The following PNPO variants were observed in gnomAD, a reference collection of about 807,000 sequenced individuals.
PNPO encodes the protein pyridoxamine 5'-phosphate oxidase, also known as pyridoxine-5'-phosphate oxidase.
PNPO carries 39 observed loss-of-function variants against 35.0 expected under a neutral mutation model. The ratio of observed to expected loss-of-function variants is 1.11; its 90% CI spans 0.86 to 1.45. The LOEUF (loss-of-function observed/expected upper bound fraction) is 1.45, where lower values mean the gene tolerates loss of function less well. Among genes scored for constraint, PNPO ranks in the 40% most tolerant of loss-of-function variants. The pLI, the probability that PNPO is intolerant of heterozygous loss-of-function variation, is 0.00. For missense variants in PNPO, 288 were observed against 340.0 expected (o/e 0.85, Z 1.20); for synonymous variants, 115 against 119.8 (o/e 0.96, Z 0.26).
At position 47,948,659 on chromosome 17, in the gene PNPO, C is replaced by T. The variant is rs1342219426; in HGVS notation, c.*1877C>T. On this transcript the variant is annotated 3_prime_UTR_variant, in exon 7 of 7. Transcript: ENST00000642017. ...TCTGACCCTGCATTTTCACTAGACC[C>T]CAGGTGATCAGCTGCACTAGACTCA... The T allele has an allele frequency of 6.6e-6, 1 of 152,262 alleles. No individual in the cohort carries two copies. The highest frequency in any genetic ancestry group is 1.5e-5 in the Non-Finnish European group (1 of 68,096). 9.4% of individuals were successfully genotyped at this position (152,262 alleles called of 1,614,324 possible).
rs1422767705 is a variant in PNPO at position 47,948,454 on chromosome 17, C to G, written c.*1672C>G. Reference sequence around the variant, plus strand: ...TGGCCAGCATGGCAAAACCCTGTCTCTACTATGATATGAATGCAGCCTGGG... The same window carrying G: ...TGGCCAGCATGGCAAAACCCTGTCTGTACTATGATATGAATGCAGCCTGGG... On this transcript the variant is annotated 3_prime_UTR_variant, in exon 7 of 7. Coordinates refer to ENST00000642017, the MANE Select transcript of PNPO (RefSeq NM_018129.4). The G allele has an allele frequency of 2.0e-5, 3 of 152,160 alleles. No individual in the cohort carries two copies. The highest frequency in any genetic ancestry group is 4.4e-5 in the Non-Finnish European group (3 of 68,042). The allele number at this position is 152,160 out of a possible 1,614,324, so 9.4% of individuals were successfully genotyped here.
At chr17:47,946,263 T>C in intron 5 of PNPO, 60 bp from the exon 6 acceptor site, 1 of 1,315,760 alleles carries the variant, frequency 7.6e-7, no homozygotes, top group Non-Finnish European at 1.1e-6. Flanking sequence ...CCCCAGGAAG[T>C]CCTTGTTAAT....
chr17:47,946,061 G>C, intron 5 of PNPO, 72 bp downstream of exon 5: 1 of 1,552,204 alleles, frequency 6.4e-7, no homozygotes, highest in Non-Finnish European at 8.8e-7. Context: ...GTCCCCAGGA[G>C]ATGCCAGGAG....
intron 3 of PNPO, 64 bp downstream of exon 3, chr17:47,944,779 C>T: frequency 7.6e-7 from 1 of 1,313,034 alleles, no homozygotes; most frequent in Non-Finnish European, 1.1e-6. Flanking sequence ...CTTCCTCAGT[C>T]ACCTTCTTAT....
chr17:47,946,464 G>C, intron 6 of PNPO, 71 bp downstream of exon 6: 1 of 1,398,006 alleles, frequency 7.2e-7, no homozygotes, highest in Non-Finnish European at 1.0e-6. Flanking sequence ...CACCTGCCTG[G>C]GGAATCACAG....
intron 1 of PNPO, chr17:47,942,023 T>C: frequency 7.5e-7 from 1 of 1,335,236 alleles, no homozygotes; most frequent in Non-Finnish European, 9.6e-7. Flanking sequence ...CAAATGAAGA[T>C]GGGTTCAAAA....
At chr17:47,944,200 C>CATGTGTGT (rs144711217) in intron 2 of PNPO, among the ~76,000 whole-genome samples, 1 of 142,152 alleles carries the variant, frequency 7.0e-6, no homozygotes, top group Non-Finnish European at 1.5e-5. Flanking sequence ...CACTGCCTTT[C>CATGTGTGT]GTGTGTGTGT....
rs1290522662 is a variant in PNPO, at chr17:47,948,740, G to A, written c.*1958G>A. The A allele has an allele frequency of 1.3e-5, 2 of 152,258 alleles. No individual in the cohort carries two copies. Among genetic ancestry groups the A allele is most frequent in the Non-Finnish European group, 2.9e-5 (2 of 68,078 alleles). 9.4% of individuals were successfully genotyped at this position (152,258 alleles called of 1,614,324 possible). ...GTCTATGATCCTTTAGTGACCCTCA[G>A]CTGAGTCCTGTGCTGAACTGTGTTT... is the stretch of plus-strand genomic sequence containing the variant. On this transcript the variant is annotated 3_prime_UTR_variant, in exon 7 of 7. Coordinates refer to ENST00000642017, the MANE Select transcript of PNPO (RefSeq NM_018129.4).
chr17:47,941,737 A>G lies in PNPO; in HGVS notation c.62A>G (p.Tyr21Cys), dbSNP rs766650337. ...TFGRPAEWPG[Y>C]LSHLCGRSAA... ...GGGCGACCTGCCGAGTGGCCAGGCT[A>G]CCTCAGTCACCTGTGTGGTCGCAGT... Residue 21 changes from tyrosine to cysteine, a missense_variant, in exon 1 of 7, where the codon TAC becomes TGC. By Grantham distance (194) the Tyr-to-Cys change is radical. Coordinates refer to ENST00000642017, the MANE Select transcript of PNPO (RefSeq NM_018129.4). The G allele has an allele frequency of 1.3e-6, 2 of 1,553,378 alleles. No individual in the cohort carries two copies. Among genetic ancestry groups the G allele is most frequent in the South Asian group, 2.4e-5 (2 of 84,334 alleles).
Position 47,945,934 on chromosome 17 carries a change from G to T in PNPO, c.491G>T (p.Ser164Ile), listed in dbSNP as rs769609928. The T allele has an allele frequency of 1.2e-6, 2 of 1,614,010 alleles. No homozygotes were observed. Among genetic ancestry groups the T allele is most frequent in the Non-Finnish European group, 1.7e-6 (2 of 1,180,004 alleles). The change falls in exon 5 of 7, where the codon AGC becomes ATC. Residue 164 changes from serine to isoleucine, a missense_variant. Coordinates refer to ENST00000642017, the MANE Select transcript of PNPO (RefSeq NM_018129.4). The surrounding 1 kb of genome is among the most constrained non-coding windows in gnomAD (Gnocchi z 4.0). ...TGCTACTTCCACTCCCGCCCCAAGA[G>T]CAGCCAGATTGGGGCTGTGGTCAGC... Reference protein sequence around the residue: ...AECYFHSRPKSSQIGAVVSHQ... With the variant: ...AECYFHSRPKISQIGAVVSHQ...
Position 47,946,892 on chromosome 17 carries a change from C to T in PNPO, c.*110C>T. 1.0e-6 allele frequency: 1 copy of T among 989,724 alleles called. No homozygotes were observed. The highest frequency in any genetic ancestry group is 1.6e-6 in the Non-Finnish European group (1 of 639,768). The allele number at this position is 989,724 out of a possible 1,614,324, so 61.3% of individuals were successfully genotyped here. On this transcript the variant is annotated 3_prime_UTR_variant, in exon 7 of 7. Transcript: ENST00000642017. ...ACTCAACCCATTTCCCTCCCTACCC[C>T]TTATCTTCAGGACTCTTCAGAGCTA...
intron 2 of PNPO, 103 bp from the exon 3 acceptor site, chr17:47,944,513 G>C (rs1039091757): frequency 4.2e-5 from 38 of 899,026 alleles, no homozygotes; most frequent in East Asian, 9.6e-5. Flanking sequence ...CCCAATAAAG[G>C]GGGTGCAGCT....
rs751761390 is a variant in PNPO at position 47,946,290 on chromosome 17, C to T, written c.547-33C>T. 9 of 1,490,244 alleles carry T rather than the reference C, an allele frequency of 6.0e-6. No homozygotes were observed. The Admixed American group carries it at 1.5e-4, about 25-fold the overall frequency. 92.3% of individuals were successfully genotyped at this position (1,490,244 alleles called of 1,614,324 possible). ...CTTGTTAATGAATCATTGACTGGGC[C>T]TGGCCCTTCTTCTAACTCTTCCCCC... On this transcript the variant is annotated intron_variant, in intron 5 of 6. Transcript: ENST00000642017.
rs1385820116 is a variant in PNPO at position 47,945,850 on chromosome 17, T to C, written c.418-11T>C. 1.9e-6 allele frequency: 3 copies of C among 1,612,970 alleles called. No homozygotes were observed. The highest frequency in any genetic ancestry group is 1.7e-5 in the Admixed American group (1 of 59,968). On this transcript the variant is annotated splice_polypyrimidine_tract_variant and intron_variant, in intron 4 of 6. Coordinates refer to ENST00000642017, the MANE Select transcript of PNPO (RefSeq NM_018129.4). This position sits in a 1 kb window ranked among gnomAD's most constrained non-coding sequence, Gnocchi z 4.0. Reference sequence around the variant, plus strand: ...ATTTAATGCCATTCACCCAGAGCCATCCCTGAGCAGGTGCGTGTGGAAGGC... The same window carrying C: ...ATTTAATGCCATTCACCCAGAGCCACCCCTGAGCAGGTGCGTGTGGAAGGC...
At position 47,945,984 on chromosome 17, in the gene PNPO, C is replaced by T. The variant is rs878944960; in HGVS notation, c.541C>T (p.Arg181Trp). The T allele has an allele frequency of 1.1e-5, 17 of 1,613,698 alleles. No individual in the cohort carries two copies. The highest frequency in any genetic ancestry group is 5.0e-5 in the Admixed American group (3 of 60,012). ...CCACCAGAGTTCTGTGATCCCTGAT[C>T]GGGAGGTGAGTGGAGCTCCGCTGTA... ...VSHQSSVIPD[R>W]EYLRKKNEEL... Residue 181 changes from arginine (R) to tryptophan (W), a missense_variant, in exon 5 of 7, where the codon CGG becomes TGG. Transcript: ENST00000642017. This position sits in a 1 kb window ranked among gnomAD's most constrained non-coding sequence, Gnocchi z 4.0.
At chr17:47,946,273 T>C in intron 5 of PNPO, 50 bp from the exon 6 acceptor site, 5 of 1,384,380 alleles carry the variant, frequency 3.6e-6, no homozygotes, top group Non-Finnish European at 4.1e-6. Flanking sequence ...TCCTTGTTAA[T>C]GAATCATTGA....
In PNPO at chr17:47,946,277, T is replaced by C. The variant is rs765914905; in HGVS notation, c.547-46T>C. The stretch of plus-strand genomic sequence containing the variant: ...TCCCCAGGAAGTCCTTGTTAATGAA[T>C]CATTGACTGGGCCTGGCCCTTCTTC... On this transcript the variant is annotated intron_variant, in intron 5 of 6. Transcript: ENST00000642017. 1.1e-4 allele frequency: 158 copies of C among 1,409,768 alleles called. No homozygotes were observed. In the South Asian group the frequency reaches 1.7e-3, roughly 15 times the overall value. The allele number at this position is 1,409,768 out of a possible 1,614,324, so 87.3% of individuals were successfully genotyped here.
Position 47,946,007 on chromosome 17 carries a change from G to C in PNPO, c.546+18G>C. The C allele has an allele frequency of 6.2e-7, 1 of 1,613,348 alleles. No individual in the cohort carries two copies. Among genetic ancestry groups the C allele is most frequent in the Non-Finnish European group, 8.5e-7 (1 of 1,179,966 alleles). On this transcript the variant is annotated intron_variant, in intron 5 of 6. Coordinates refer to ENST00000642017, the MANE Select transcript of PNPO (RefSeq NM_018129.4). ...ATCGGGAGGTGAGTGGAGCTCCGCT[G>C]TAGTCCTCCAGGTGGTGGAGGCTTT...
intron 2 of PNPO, among the ~76,000 whole-genome samples, chr17:47,944,316 CT>C (rs1293800701): frequency 3.3e-5 from 5 of 151,946 alleles, no homozygotes; most frequent in Admixed American, 1.3e-4. Context: ...GGCCCCACCC[CT>C]ATGACCTTAC....
Sources: gnomAD v4.1 joint callset for allele counts (sites outside exome capture counted in the v4.1 genomes callset) on GRCh38, gnomAD v4.1.1 for gene constraint, Gnocchi (gnomAD v3.1) non-coding constraint, MANE v1.5 for transcripts, NCBI Gene and HGNC (gene_info 2026-07-23, HGNC 2026-07-21) for gene names.